FECH: variants seen among roughly 807,000 people sequenced by gnomAD.
The protein encoded by FECH is ferrochelatase, also known as ferrochelatase, mitochondrial.
FECH carries 40 observed loss-of-function variants against 56.9 expected under a neutral mutation model. The observed-to-expected ratio is 0.70, with a 90% CI of 0.55 to 0.92. The LOEUF (loss-of-function observed/expected upper bound fraction) is 0.92. Ranked by LOEUF, FECH falls within the 40% of genes least tolerant of loss-of-function variation. FECH has a pLI of 0.00. For synonymous variants in FECH, 175 were observed against 198.6 expected, an observed-to-expected ratio of 0.88 and a Z score of 1.00; for missense variants, 431 against 529.1, an observed-to-expected ratio of 0.81 and a Z score of 1.82.
At chr18:57,557,121 G>A (rs925402707) in intron 7 of FECH, among the ~76,000 whole-genome samples, 3 of 152,084 alleles carry the variant, frequency 2.0e-5, no homozygotes, top group Non-Finnish European at 4.4e-5. Context: ...TTGTACCAGC[G>A]CTGGTTTCTC....
At chr18:57,573,150 G>A (rs573902071) in intron 3 of FECH, 96 bp downstream of exon 3, 39 of 1,168,794 alleles carry the variant, frequency 3.3e-5, no homozygotes, top group East Asian at 2.6e-4. Flanking sequence ...TACCAGATAC[G>A]CATTAAAACT....
At chr18:57,579,626 C>T (rs1282472137) in intron 2 of FECH, among the ~76,000 whole-genome samples, 1 of 152,114 alleles carries the variant, frequency 6.6e-6, no homozygotes, top group African/African-American at 2.4e-5. Flanking sequence ...ATGATAAATC[C>T]TGTTACTTCT....
At chr18:57,554,143 C>A (rs1054254436) in intron 9 of FECH, 117 bp downstream of exon 9, 19 of 863,722 alleles carry the variant, frequency 2.2e-5, no homozygotes, top group Admixed American at 1.9e-4. Context: ...AATGAGGACA[C>A]CGTACATGCA....
chr18:57,561,164 A>G (rs112847280), intron 6 of FECH, among the ~76,000 whole-genome samples: 85 of 152,312 alleles, frequency 5.6e-4, no homozygotes, highest in African/African-American at 1.9e-3. Context: ...TGCTCCAATT[A>G]ACCCAACAGC....
intron 1 of FECH, among the ~76,000 whole-genome samples, chr18:57,580,444 C>T (rs1226783268): frequency 6.6e-6 from 1 of 152,082 alleles, no homozygotes; most frequent in Non-Finnish European, 1.5e-5. Context: ...ACTACACACA[C>T]CTCCTCTCCC....
intron 2 of FECH, 160 bp downstream of exon 2, chr18:57,579,913 G>T: frequency 3.3e-6 from 3 of 905,516 alleles, no homozygotes; most frequent in Non-Finnish European, 5.4e-6. Flanking sequence ...GGGAAGGAGG[G>T]TGTAAAATCT....
intron 9 of FECH, among the ~76,000 whole-genome samples, chr18:57,553,018 G>A (rs2050819622): frequency 6.6e-6 from 1 of 152,108 alleles, no homozygotes; most frequent in Non-Finnish European, 1.5e-5. Flanking sequence ...CTATGATTGT[G>A]CCACTGCACC....
In FECH at chr18:57,545,339, C is replaced by G. The variant is rs2122219958; in HGVS notation, c.*5373G>C. On this transcript the variant is annotated 3_prime_UTR_variant, in exon 11 of 11. Transcript: ENST00000262093. ...ATAGCTGTTATTCTAAAAATGGAAG[C>G]TAATGATTCCAGCTAAAAACAACGA... 6.6e-6 allele frequency among the ~76,000 whole-genome samples: 1 copy of G among 152,316 alleles called. No individual in the cohort carries two copies. The highest frequency in any genetic ancestry group is 1.5e-5 in the Non-Finnish European group (1 of 68,026).
In FECH at chr18:57,579,934, A is replaced by G. The variant is rs1012932542; in HGVS notation, c.194+139T>C. ...GAGGGTGTAAAATCTATGGTTTAAC[A>G]GCTATTGAAAGGAAGCCAAGAAAAT... On this transcript the variant is annotated intron_variant, in intron 2 of 10. Coordinates refer to ENST00000262093, the MANE Select transcript of FECH (RefSeq NM_000140.5). 6 of 1,108,446 alleles carry G rather than the reference A, an allele frequency of 5.4e-6. No individual in the cohort carries two copies. In the Admixed American group the frequency reaches 8.5e-5, roughly 16 times the overall value. 68.7% of individuals were successfully genotyped at this position (1,108,446 alleles called of 1,614,324 possible). A position where few individuals can be genotyped will look rare whatever the true frequency, so the allele number is the denominator to read the frequency against.
intron 1 of FECH, among the ~76,000 whole-genome samples, chr18:57,585,621 G>C (rs929400565): frequency 6.6e-6 from 1 of 152,130 alleles, no homozygotes; most frequent in Non-Finnish European, 1.5e-5. Context: ...ATGAGATATG[G>C]AGGTTCAGAG....
intron 2 of FECH, among the ~76,000 whole-genome samples, chr18:57,576,693 C>T (rs2051190353): frequency 6.6e-6 from 1 of 152,144 alleles, no homozygotes; most frequent in African/African-American, 2.4e-5. Context: ...TTTGCAAACG[C>T]ATGTTGATCT....
At chr18:57,554,179 G>C in intron 9 of FECH, 81 bp downstream of exon 9, 4 of 1,427,250 alleles carry the variant, frequency 2.8e-6, no homozygotes, top group Non-Finnish European at 4.0e-6. Context: ...CAATATTTCT[G>C]AATGATACAT....
intron 6 of FECH, among the ~76,000 whole-genome samples, chr18:57,560,814 A>C (rs1039582007): frequency 1.3e-5 from 2 of 152,240 alleles, no homozygotes; most frequent in African/African-American, 4.8e-5. Flanking sequence ...GTAAATCTGC[A>C]CTTGTTGGTA....
chr18:57,581,855 C>T (rs1157650420), intron 1 of FECH, among the ~76,000 whole-genome samples: 2 of 152,156 alleles, frequency 1.3e-5, no homozygotes, highest in Non-Finnish European at 2.9e-5. Context: ...AATTATATCT[C>T]CAGGCCATTA....
intron 2 of FECH, among the ~76,000 whole-genome samples, chr18:57,574,806 A>T (rs2051161102): frequency 6.6e-6 from 1 of 152,252 alleles, no homozygotes; most frequent in Non-Finnish European, 1.5e-5. Flanking sequence ...CCATTCATTC[A>T]TTCATCTTTT....
chr18:57,562,987 T>C lies in FECH; in HGVS notation c.599-7A>G, dbSNP rs750125469. The stretch of plus-strand genomic sequence containing the variant: ...ATGGCATTTAAGCTGCTGCCTGAAA[T>C]ATACAGAGACCACTTAGTAGATGCA... On this transcript the variant is annotated splice_polypyrimidine_tract_variant and splice_region_variant and intron_variant, in intron 5 of 10. Coordinates refer to ENST00000262093, the MANE Select transcript of FECH (RefSeq NM_000140.5). 50 of 1,609,016 alleles carry C rather than the reference T, an allele frequency of 3.1e-5. No individual in the cohort carries two copies. Among genetic ancestry groups the C allele is most frequent in the Non-Finnish European group, 3.9e-5 (46 of 1,175,596 alleles).
chr18:57,573,796 C>A (rs187975459), intron 2 of FECH, among the ~76,000 whole-genome samples: 3 of 152,188 alleles, frequency 2.0e-5, no homozygotes, highest in Non-Finnish European at 1.5e-5. Flanking sequence ...GCACCCACCA[C>A]CTACTCAAAA....
In FECH at chr18:57,586,599, T is replaced by G; in HGVS notation, c.22A>C (p.Met8Leu). The change falls in exon 1 of 11, where the codon ATG (methionine) becomes CTG (leucine). Residue 8 changes from methionine to leucine, a missense_variant. Physicochemically the swap from Met to Leu is conservative, Grantham distance 15. Coordinates refer to ENST00000262093, the MANE Select transcript of FECH (RefSeq NM_000140.5). MRSLGAN[M>L]AAALRAAGVL... ...CCCGCGGCGCGCAGGGCCGCAGCCA[T>G]GTTTGCGCCGAGTGAACGCATTGCC... 1 of 1,523,760 alleles carries G rather than the reference T, an allele frequency of 6.6e-7. No homozygotes were observed. 94.4% of individuals were successfully genotyped at this position (1,523,760 alleles called of 1,614,324 possible). A position where few individuals can be genotyped will look rare whatever the true frequency, so the allele number is the denominator to read the frequency against.
At chr18:57,569,794 C>T (rs746315416) in intron 4 of FECH, among the ~76,000 whole-genome samples, 6 of 151,800 alleles carry the variant, frequency 4.0e-5, no homozygotes, top group Admixed American at 6.6e-5. Context: ...CCTCTTCCCA[C>T]GAGAGACAGC....
Sources: allele counts gnomAD v4.1 joint callset (sites outside exome capture counted in the v4.1 genomes callset), GRCh38; gene constraint gnomAD v4.1.1; transcripts MANE v1.5; gene names NCBI Gene and HGNC (gene_info 2026-07-23, HGNC 2026-07-21).